The following SGIP1 variants were observed in gnomAD, a reference collection of about 807,000 sequenced individuals.
The protein encoded by SGIP1 is SH3GL interacting endocytic adaptor 1.
A neutral mutation model predicts 107.5 loss-of-function variants in SGIP1; 38 were observed. The ratio of observed to expected loss-of-function variants is 0.35; its 90% CI spans 0.27 to 0.46. The LOEUF (loss-of-function observed/expected upper bound fraction) is 0.46. SGIP1 is among the 20% of genes least tolerant of loss of function. The probability of loss-of-function intolerance (pLI) is 1.00; values close to 1 mark genes in which losing one functional copy is unlikely to be tolerated. For synonymous variants in SGIP1, 365 were observed against 366.1 expected (o/e 1.00, Z 0.03); for missense variants, 929 against 1,019.5 (o/e 0.91, Z 1.21).
intron 3 of SGIP1, 78 bp downstream of exon 3, chr1:66,633,172 T>A: frequency 1.0e-6 from 1 of 993,898 alleles, no homozygotes; most frequent in Middle Eastern, 3.0e-4. Context: ...AGCCCTTTTT[T>A]TTTCCTGTAG....
intron 12 of SGIP1, among the ~76,000 whole-genome samples, chr1:66,674,614 T>C (rs1156591954): frequency 6.6e-6 from 1 of 152,212 alleles, no homozygotes; most frequent in African/African-American, 2.4e-5. Flanking sequence ...TTATTACTCT[T>C]TCAGGTTAAC....
intron 1 of SGIP1, among the ~76,000 whole-genome samples, chr1:66,550,838 C>A (rs1294550509): frequency 6.6e-6 from 1 of 152,054 alleles, no homozygotes; most frequent in Admixed American, 6.5e-5. Flanking sequence ...AGATCAGGCA[C>A]ATTCAAGGTG....
chr1:66,624,914 G>A (rs2072239649), intron 1 of SGIP1, among the ~76,000 whole-genome samples: 1 of 152,186 alleles, frequency 6.6e-6, no homozygotes, highest in African/African-American at 2.4e-5. Flanking sequence ...CCAAGACTGG[G>A]CTTGGCTTGT....
At chr1:66,684,166 A>G in intron 15 of SGIP1, 1 of 1,550,620 alleles carries the variant, frequency 6.4e-7, no homozygotes, top group East Asian at 2.4e-5. Context: ...AGCTGGAGGC[A>G]ATGAACTGGA....
chr1:66,705,084 T>C (rs917432158), intron 18 of SGIP1, among the ~76,000 whole-genome samples: 1 of 152,230 alleles, frequency 6.6e-6, no homozygotes, highest in Non-Finnish European at 1.5e-5. Flanking sequence ...CCTTAAGATT[T>C]GAACCTTTTT....
chr1:66,629,781 G>A (rs550208082), intron 2 of SGIP1, among the ~76,000 whole-genome samples: 2 of 152,318 alleles, frequency 1.3e-5, no homozygotes, highest in African/African-American at 4.8e-5. Context: ...CCAAGTGTCT[G>A]AGGCTGCTAA....
At chr1:66,673,048 C>G (rs2084223335) in intron 11 of SGIP1, among the ~76,000 whole-genome samples, 1 of 152,112 alleles carries the variant, frequency 6.6e-6, no homozygotes, top group Non-Finnish European at 1.5e-5. Context: ...CACCTCAGCT[C>G]TCCATTGAGA....
At chr1:66,702,717 T>C (rs2092072165) in intron 18 of SGIP1, among the ~76,000 whole-genome samples, 1 of 152,204 alleles carries the variant, frequency 6.6e-6, no homozygotes, top group South Asian at 2.1e-4. Flanking sequence ...ACTGATAATG[T>C]AGTTTCTTCC....
At chr1:66,707,482 T>C (rs975698933) in intron 18 of SGIP1, among the ~76,000 whole-genome samples, 4 of 152,200 alleles carry the variant, frequency 2.6e-5, no homozygotes, top group African/African-American at 9.6e-5. Flanking sequence ...CAGAATTTTA[T>C]CTGCATTAGC....
At chr1:66,656,962 GTTTGAGAC>G (rs2079917843) in intron 7 of SGIP1, among the ~76,000 whole-genome samples, 1 of 152,084 alleles carries the variant, frequency 6.6e-6, no homozygotes, top group South Asian at 2.1e-4. Context: ...GAGCCCAGGA[GTTTGAGAC>G]CAGCCTGAGC....
At chr1:66,709,531 A>T (rs1484638178) in intron 18 of SGIP1, among the ~76,000 whole-genome samples, 1 of 152,184 alleles carries the variant, frequency 6.6e-6, no homozygotes, top group African/African-American at 2.4e-5. Flanking sequence ...GGTTGTAGTC[A>T]TAATTAAATG....
intron 24 of SGIP1, among the ~76,000 whole-genome samples, chr1:66,742,715 C>A (rs981743610): frequency 6.7e-6 from 1 of 148,724 alleles, no homozygotes; most frequent in South Asian, 2.1e-4. Flanking sequence ...GTGATCCGCC[C>A]GCCTCGGCCT....
intron 19 of SGIP1, among the ~76,000 whole-genome samples, chr1:66,719,925 A>C (rs1443092996): frequency 6.6e-6 from 1 of 152,152 alleles, no homozygotes; most frequent in Non-Finnish European, 1.5e-5. Flanking sequence ...ATAAGGAAAA[A>C]CTGGCCAAAA....
At chr1:66,708,981 AT>A (rs1320785772) in intron 18 of SGIP1, among the ~76,000 whole-genome samples, 2 of 150,360 alleles carry the variant, frequency 1.3e-5, no homozygotes, top group African/African-American at 4.9e-5. Flanking sequence ...AATCATTCGA[AT>A]TTTTTTTTCT....
At chr1:66,644,486 C>T (rs10889639) in intron 7 of SGIP1, among the ~76,000 whole-genome samples, 59,730 of 151,888 alleles carry the variant, frequency 0.39, 13,047 homozygotes, top group East Asian at 0.78. Flanking sequence ...CCATTGTTTT[C>T]TAAAAATGGT....
intron 17 of SGIP1, 37 bp downstream of exon 17, chr1:66,690,353 T>C (rs1364743964): frequency 6.2e-7 from 1 of 1,611,474 alleles, no homozygotes; most frequent in South Asian, 1.1e-5. Context: ...CCGTTTGTGG[T>C]TTTGACTGGC....
chr1:66,588,656 T>C (rs941840603), intron 1 of SGIP1, among the ~76,000 whole-genome samples: 1 of 149,440 alleles, frequency 6.7e-6, no homozygotes, highest in African/African-American at 2.5e-5. Flanking sequence ...TTTTTTTTTT[T>C]TTTGCATTTT....
chr1:66,556,963 T>C (rs1034626743), intron 1 of SGIP1, among the ~76,000 whole-genome samples: 17 of 152,268 alleles, frequency 1.1e-4, no homozygotes, highest in African/African-American at 3.1e-4. Context: ...ACAATTATAA[T>C]AGTACCTTGA....
chr1:66,584,592 A>T (rs983376857), intron 1 of SGIP1, among the ~76,000 whole-genome samples: 4 of 152,190 alleles, frequency 2.6e-5, no homozygotes, highest in African/African-American at 9.6e-5. Flanking sequence ...CACTCAGGTC[A>T]ATACTGTACT....
Sources: gnomAD v4.1 joint callset for allele counts (sites outside exome capture counted in the v4.1 genomes callset) on GRCh38, gnomAD v4.1.1 for gene constraint, MANE v1.5 for transcripts, NCBI Gene and HGNC (gene_info 2026-07-23, HGNC 2026-07-21) for gene names.